CCSER1: variants seen among roughly 807,000 people sequenced by gnomAD.
The protein encoded by CCSER1 is coiled-coil serine rich protein 1.
A neutral mutation model predicts 82.0 loss-of-function variants in CCSER1; 41 were observed. The ratio of observed to expected loss-of-function variants is 0.50; its 90% CI spans 0.39 to 0.65. The LOEUF is 0.65. Among genes scored for constraint, CCSER1 ranks in the 30% least tolerant of loss-of-function variants. CCSER1 has a pLI of 0.00. For synonymous variants in CCSER1, 414 were observed against 383.9 expected, an observed-to-expected ratio of 1.08 and a Z score of -0.92; for missense variants, 1,119 against 1,064.2, an observed-to-expected ratio of 1.05 and a Z score of -0.72.
intron 10 of CCSER1, among the ~76,000 whole-genome samples, chr4:91,154,287 C>T (rs1397378794): frequency 6.6e-6 from 1 of 152,048 alleles, no homozygotes; most frequent in Admixed American, 6.5e-5. Context: ...AGCAAGGCTC[C>T]ATGGGTGTGG....
chr4:91,218,525 T>A (rs796397554), intron 10 of CCSER1, among the ~76,000 whole-genome samples: 1 of 152,216 alleles, frequency 6.6e-6, no homozygotes, highest in African/African-American at 2.4e-5. Flanking sequence ...CAGCATGCTG[T>A]CACCTCTCAG....
chr4:90,271,845 TATATATATATATATATA>T (rs1407156820), intron 1 of CCSER1, among the ~76,000 whole-genome samples: 45 of 23,876 alleles, frequency 1.9e-3, no homozygotes, highest in African/African-American at 8.5e-3. Context: ...TATATATATA[TATATATATATATATATA>T]TTTTTTTTTT....
At chr4:91,008,736 T>A (rs1182432508) in intron 9 of CCSER1, among the ~76,000 whole-genome samples, 1 of 152,230 alleles carries the variant, frequency 6.6e-6, no homozygotes, top group African/African-American at 2.4e-5. Flanking sequence ...TTACTACTGA[T>A]GTTACCGGGT....
chr4:91,490,792 T>C (rs962591246), intron 10 of CCSER1, among the ~76,000 whole-genome samples: 1 of 140,322 alleles, frequency 7.1e-6, no homozygotes, highest in Admixed American at 7.3e-5. Context: ...AAATGATAAA[T>C]GCTTGAGGTA....
rs146813713 is a variant in CCSER1, at chr4:91,371,862, A to G, written c.2218-226710A>G. On this transcript the variant is annotated intron_variant, in intron 10 of 10. Transcript: ENST00000509176. Reference sequence around the variant, plus strand: ...TGATGAGCTTTCTACCCTAGGACCTAGGGCTGAGCTTTCTGATCCCAAGAC... The same window carrying G: ...TGATGAGCTTTCTACCCTAGGACCTGGGGCTGAGCTTTCTGATCCCAAGAC... Among the ~76,000 whole-genome samples the G allele has an allele frequency of 7.9e-3, 1,199 of 151,856 alleles. 8 individuals are homozygous for G. Among genetic ancestry groups the G allele is most frequent in the African/African-American group, 0.027 (1,134 of 41,368 alleles).
In CCSER1 at chr4:90,141,218, C is replaced by G. The variant is rs377709880; in HGVS notation, c.-42+13387C>G. ...TTTCCAGCAAACATCAGTTTTTATT[C>G]TTGATGCCTTCAACTCATTAGATGA... is the stretch of plus-strand genomic sequence containing the variant. On this transcript the variant is annotated intron_variant, in intron 1 of 10. Transcript: ENST00000509176. 3.9e-5 allele frequency among the ~76,000 whole-genome samples: 6 copies of G among 152,196 alleles called. No individual in the cohort carries two copies. In the South Asian group the frequency reaches 1.2e-3, roughly 32 times the overall value.
chr4:90,509,546 T>G (rs1374360707), intron 5 of CCSER1, among the ~76,000 whole-genome samples: 1 of 152,170 alleles, frequency 6.6e-6, no homozygotes, highest in Non-Finnish European at 1.5e-5. Context: ...TGCAATTTCC[T>G]TAAGCCAAGT....
chr4:90,994,914 TC>T (rs1737359242), intron 9 of CCSER1, among the ~76,000 whole-genome samples: 2 of 152,194 alleles, frequency 1.3e-5, no homozygotes. Context: ...TATTCAGGTT[TC>T]TGCTTCTGGT....
At chr4:90,544,805 C>T (rs1192251179) in intron 5 of CCSER1, among the ~76,000 whole-genome samples, 1 of 151,964 alleles carries the variant, frequency 6.6e-6, no homozygotes, top group African/African-American at 2.4e-5. Context: ...GGCTTAGAGA[C>T]CTAGCAAAAG....
At chr4:91,149,969 T>G (rs892383330) in intron 10 of CCSER1, among the ~76,000 whole-genome samples, 1 of 152,224 alleles carries the variant, frequency 6.6e-6, no homozygotes, top group African/African-American at 2.4e-5. Flanking sequence ...CAGGCTTTTT[T>G]TTGGTTCCAT....
intron 7 of CCSER1, among the ~76,000 whole-genome samples, chr4:90,767,437 T>C (rs1399778840): frequency 1.3e-5 from 2 of 152,180 alleles, no homozygotes; most frequent in African/African-American, 4.8e-5. Flanking sequence ...CCTTTGACCT[T>C]TTTCTCACTA....
At chr4:91,591,712 A>G (rs1418999108) in intron 10 of CCSER1, among the ~76,000 whole-genome samples, 2 of 152,194 alleles carry the variant, frequency 1.3e-5, no homozygotes, top group Non-Finnish European at 2.9e-5. Flanking sequence ...TGAGTGAAAC[A>G]TATTTTAATG....
At position 91,566,851 on chromosome 4, in the gene CCSER1, T is replaced by C. The variant is rs189876473; in HGVS notation, c.2218-31721T>C. ...TTCAAAAAACCAACTCCTGAATTCA[T>C]TGATCTTTTGAATGGTTTTTCATGT... On this transcript the variant is annotated intron_variant, in intron 10 of 10. Transcript: ENST00000509176. 1.8e-3 allele frequency among the ~76,000 whole-genome samples: 278 copies of C among 152,240 alleles called. 1 individual carries two copies. The highest frequency in any genetic ancestry group is 6.2e-3 in the African/African-American group (259 of 41,562).
At chr4:91,037,241 C>CACACACACACATACAT (rs1741516131) in intron 9 of CCSER1, among the ~76,000 whole-genome samples, 1 of 132,454 alleles carries the variant, frequency 7.5e-6, no homozygotes, top group Non-Finnish European at 1.7e-5. Context: ...GTCACACACA[C>CACACACACACATACAT]ACACACACAC....
rs147919720 is a variant in CCSER1, at chr4:90,138,602, A to C, written c.-42+10771A>C. Reference sequence around the variant, plus strand: ...GGTTAGTGAGGTCTAGGGAAGCAAGAAGCAGTGGCACAGGCCAATTTGGAG... The same window carrying C: ...GGTTAGTGAGGTCTAGGGAAGCAAGCAGCAGTGGCACAGGCCAATTTGGAG... On this transcript the variant is annotated intron_variant, in intron 1 of 10. Coordinates refer to ENST00000509176, the MANE Select transcript of CCSER1 (RefSeq NM_001145065.2). Among the ~76,000 whole-genome samples the C allele has an allele frequency of 4.2e-3, 647 of 152,290 alleles. 4 individuals are homozygous for C. Among genetic ancestry groups the C allele is most frequent in the African/African-American group, 0.015 (622 of 41,542 alleles).
At chr4:91,292,879 A>G (rs1443798944) in intron 10 of CCSER1, among the ~76,000 whole-genome samples, 1 of 151,950 alleles carries the variant, frequency 6.6e-6, no homozygotes, top group Non-Finnish European at 1.5e-5. Context: ...TCCATGCTCC[A>G]TATGTACCCC....
At position 91,234,163 on chromosome 4, in the gene CCSER1, G is replaced by C. The variant is rs191194954; in HGVS notation, c.2217+148169G>C. 2.0e-5 allele frequency among the ~76,000 whole-genome samples: 3 copies of C among 152,082 alleles called. No individual in the cohort carries two copies. The East Asian group carries it at 5.8e-4, about 29-fold the overall frequency. ...TGCGTAAAATCCATTTGTCAGAAGA[G>C]CCCTCAGAGTTTCAACTTTGCATTA... On this transcript the variant is annotated intron_variant, in intron 10 of 10. Coordinates refer to ENST00000509176, the MANE Select transcript of CCSER1 (RefSeq NM_001145065.2).
At chr4:91,180,048 G>T (rs1017652891) in intron 10 of CCSER1, among the ~76,000 whole-genome samples, 1 of 152,214 alleles carries the variant, frequency 6.6e-6, no homozygotes, top group African/African-American at 2.4e-5. Context: ...CCCAGCTGCA[G>T]GTCTATTGGA....
intron 5 of CCSER1, among the ~76,000 whole-genome samples, chr4:90,564,622 C>G (rs1046834434): frequency 6.6e-6 from 1 of 151,336 alleles, no homozygotes; most frequent in Admixed American, 6.6e-5. Flanking sequence ...TGGAGCTTTC[C>G]CTCTATTTTT....
Sources: allele counts gnomAD v4.1 joint callset (sites outside exome capture counted in the v4.1 genomes callset), GRCh38; gene constraint gnomAD v4.1.1; transcripts MANE v1.5; gene names NCBI Gene and HGNC (gene_info 2026-07-23, HGNC 2026-07-21).